The following DENND4C variants were observed in gnomAD, a reference collection of about 807,000 sequenced individuals.
DENND4C encodes DENN domain containing 4C.
A neutral mutation model predicts 203.0 loss-of-function variants in DENND4C; 108 were observed. That is an observed-to-expected ratio of 0.53 (90% CI 0.46 to 0.62). The LOEUF (loss-of-function observed/expected upper bound fraction) is 0.62, where lower values mean the gene tolerates loss of function less well. Among genes scored for constraint, DENND4C ranks in the 20% least tolerant of loss-of-function variants. DENND4C has a pLI of 0.00. For missense variants in DENND4C, 2,481 were observed against 2,301.2 expected (o/e 1.08, Z -1.60); for synonymous variants, 871 against 792.4 (o/e 1.10, Z -1.67).
Position 19,302,620 on chromosome 9 carries a change from T to C in DENND4C, c.1311+2289T>C, listed in dbSNP as rs538729462. 4.6e-5 allele frequency among the ~76,000 whole-genome samples: 7 copies of C among 152,346 alleles called. No homozygotes were observed. In the South Asian group the frequency reaches 1.5e-3, roughly 32 times the overall value. On this transcript the variant is annotated intron_variant, in intron 9 of 32. Transcript: ENST00000434457. The stretch of plus-strand genomic sequence containing the variant: ...GTGAGTGATAGTTGCAGGTGTAACA[T>C]ACCTTTTGTTGAATAGAAGATAATT...
chr9:19,300,161 T>C, intron 8 of DENND4C, 26 bp from the exon 9 acceptor site: 1 of 1,575,680 alleles, frequency 6.3e-7, no homozygotes, highest in South Asian at 1.2e-5. Context: ...TTCACAATGA[T>C]CTACTTTTCT....
At chr9:19,342,921 G>T (rs984777845) in intron 22 of DENND4C, 142 bp downstream of exon 22, 3 of 626,292 alleles carry the variant, frequency 4.8e-6, no homozygotes, top group Admixed American at 4.1e-5. Context: ...CTCTAAATCG[G>T]CTAAAGAAAT....
At chr9:19,246,318 T>C (rs1315290522) in intron 1 of DENND4C, among the ~76,000 whole-genome samples, 14 of 152,224 alleles carry the variant, frequency 9.2e-5, no homozygotes, top group Non-Finnish European at 4.4e-5. Context: ...TTTAAATTTA[T>C]GACCACACAT....
Position 19,358,030 on chromosome 9 carries a change from T to C in DENND4C, c.5030T>C (p.Leu1677Ser), listed in dbSNP as rs1017661559. 6.2e-7 allele frequency: 1 copy of C among 1,613,674 alleles called. No homozygotes were observed. The highest frequency in any genetic ancestry group is 1.3e-5 in the African/African-American group (1 of 74,924). ...TMKISSVPNS[L>S]SKRNVSLTRS... ...AAAATTTCATCTGTGCCTAATAGTT[T>C]ATCAAAGCGAAATGTGTCTTTGACT... is the stretch of plus-strand genomic sequence containing the variant. Residue 1677 changes from leucine to serine, a missense_variant, in exon 28 of 33, where the codon TTA (leucine) becomes TCA (serine). Around this residue, in one of 3 missense-constraint regions of DENND4C, gnomAD observed 2,289 missense variants for 2,113.3 expected, o/e 1.08. Transcript: ENST00000434457. This position sits in a 1 kb window ranked among gnomAD's most constrained non-coding sequence, Gnocchi z 4.8.
intron 1 of DENND4C, among the ~76,000 whole-genome samples, chr9:19,248,533 G>T (rs905133514): frequency 1.3e-5 from 2 of 151,964 alleles, no homozygotes; most frequent in African/African-American, 4.8e-5. Flanking sequence ...GGGATTACAG[G>T]CATGCGCCGC....
intron 20 of DENND4C, chr9:19,337,619 A>G (rs1554639034): frequency 7.8e-7 from 1 of 1,284,156 alleles, no homozygotes; most frequent in Non-Finnish European, 1.0e-6. Flanking sequence ...ATATGACGTG[A>G]AGCTATGGAT....
At chr9:19,330,883 C>T (rs973411814) in intron 16 of DENND4C, among the ~76,000 whole-genome samples, 11 of 151,738 alleles carry the variant, frequency 7.2e-5, no homozygotes, top group Non-Finnish European at 8.8e-5. Flanking sequence ...AACTCTGTCT[C>T]TACTAAAAAT....
rs564787575 is a variant in DENND4C at position 19,309,974 on chromosome 9, CT to C, written c.1487+4450del. Among the ~76,000 whole-genome samples the C allele has an allele frequency of 1.1e-4, 17 of 152,092 alleles. No homozygotes were observed. The East Asian group carries it at 3.3e-3, about 29-fold the overall frequency. Reference sequence around the variant, plus strand: ...GGTCTTTTCAGAATTTTTTGGTGAACTTTGTGTTTTCTCCAGAAAGATAATT... The same window carrying C: ...GGTCTTTTCAGAATTTTTTGGTGAACTTGTGTTTTCTCCAGAAAGATAATT... On this transcript the variant is annotated intron_variant, in intron 10 of 32. Coordinates refer to ENST00000434457, the MANE Select transcript of DENND4C (RefSeq NM_001330640.2).
At chr9:19,341,172 A>C (rs1821542189) in intron 21 of DENND4C, 58 bp downstream of exon 21, 4 of 1,374,356 alleles carry the variant, frequency 2.9e-6, no homozygotes, top group Middle Eastern at 2.2e-4. Context: ...ATTAATAATT[A>C]AAAGTTTATC....
chr9:19,319,379 T>TACATATATATATACAC (rs1842456642), intron 12 of DENND4C, among the ~76,000 whole-genome samples: 1 of 105,834 alleles, frequency 9.4e-6, no homozygotes, highest in African/African-American at 4.4e-5. Flanking sequence ...TATATACACA[T>TACATATATATATACAC]ACATATATAT....
chr9:19,336,468 C>T, intron 19 of DENND4C, 54 bp downstream of exon 19: 1 of 1,549,072 alleles, frequency 6.5e-7, no homozygotes, highest in Non-Finnish European at 8.7e-7. Flanking sequence ...GCTTTATAGG[C>T]ATATGAATTT....
intron 19 of DENND4C, 40 bp downstream of exon 19, chr9:19,336,454 A>T: frequency 6.3e-7 from 1 of 1,587,446 alleles, no homozygotes; most frequent in Non-Finnish European, 8.6e-7. Flanking sequence ...TTACTGAACC[A>T]TGAGCTTTAT....
At chr9:19,257,621 T>A (rs570530920) in intron 1 of DENND4C, among the ~76,000 whole-genome samples, 1 of 152,172 alleles carries the variant, frequency 6.6e-6, no homozygotes, top group African/African-American at 2.4e-5. Flanking sequence ...CAAATGTGAT[T>A]TTTAAAATGG....
At chr9:19,341,850 C>T (rs971935205) in intron 21 of DENND4C, among the ~76,000 whole-genome samples, 4 of 152,076 alleles carry the variant, frequency 2.6e-5, no homozygotes, top group Non-Finnish European at 4.4e-5. Context: ...GTGGGCTGGG[C>T]GTGGTGGCTC....
intron 30 of DENND4C, among the ~76,000 whole-genome samples, chr9:19,364,198 GA>G (rs754582697): frequency 0.015 from 2,057 of 138,022 alleles, 45 homozygotes; most frequent in African/African-American, 0.051. Flanking sequence ...TGTCTGTTAA[GA>G]AAAAAAAAAA....
At chr9:19,243,180 C>G (rs1206702722) in intron 1 of DENND4C, among the ~76,000 whole-genome samples, 1 of 152,112 alleles carries the variant, frequency 6.6e-6, no homozygotes, top group East Asian at 1.9e-4. Context: ...TAGATAACCA[C>G]TAATTTATTT....
intron 25 of DENND4C, 60 bp from the exon 26 acceptor site, chr9:19,352,430 A>T (rs2132084734): frequency 1.4e-6 from 2 of 1,452,302 alleles, no homozygotes; most frequent in East Asian, 2.3e-5. Context: ...TCTCAAGAGA[A>T]TTCCTGTTAA....
chr9:19,311,591 A>G (rs1398612940), intron 10 of DENND4C, among the ~76,000 whole-genome samples: 3 of 152,196 alleles, frequency 2.0e-5, no homozygotes, highest in African/African-American at 7.2e-5. Flanking sequence ...CAATAACTCT[A>G]TAGAAAAATA....
Position 19,320,363 on chromosome 9 carries a change from T to A in DENND4C, c.1807+3524T>A, listed in dbSNP as rs186233765. On this transcript the variant is annotated intron_variant, in intron 12 of 32. Coordinates refer to ENST00000434457, the MANE Select transcript of DENND4C (RefSeq NM_001330640.2). ...ACAGGCGCGCACCACCATGCCTGGC[T>A]AATTTTTGTATTTTAAGTGGAGATG... 2.3e-4 allele frequency among the ~76,000 whole-genome samples: 35 copies of A among 152,216 alleles called. No individual in the cohort carries two copies. In the East Asian group the frequency reaches 5.4e-3, roughly 24 times the overall value.
Sources: allele counts gnomAD v4.1 joint callset (sites outside exome capture counted in the v4.1 genomes callset), GRCh38; gene constraint gnomAD v4.1.1; regional missense constraint gnomAD v4.1.1; non-coding constraint Gnocchi (gnomAD v3.1); transcripts MANE v1.5; gene names NCBI Gene and HGNC (gene_info 2026-07-23, HGNC 2026-07-21).